BACH2: variants seen among roughly 807,000 people sequenced by gnomAD.
BACH2 encodes the protein BACH transcriptional regulator 2.
In BACH2, 5 loss-of-function variants were observed where a neutral mutation model predicts 61.8. The ratio of observed to expected loss-of-function variants is 0.08; its 90% confidence interval spans 0.04 to 0.17. The LOEUF (loss-of-function observed/expected upper bound fraction) is 0.17, where lower values mean the gene tolerates loss of function less well. Among genes scored for constraint, BACH2 ranks in the 10% least tolerant of loss-of-function variants. BACH2 has a pLI of 1.00. For synonymous variants in BACH2, 446 were observed against 440.1 expected, an observed-to-expected ratio of 1.01 and a Z score of -0.17; for missense variants, 824 against 1,091.1, an observed-to-expected ratio of 0.76 and a Z score of 3.45.
At chr6:89,955,654 A>T (rs538188188) in intron 6 of BACH2, among the ~76,000 whole-genome samples, 10 of 152,336 alleles carry the variant, frequency 6.6e-5, no homozygotes, top group African/African-American at 2.2e-4. Context: ...AGCAAGTGTT[A>T]CAACAGGCAG....
At chr6:90,130,398 C>G (rs1030093904) in intron 4 of BACH2, among the ~76,000 whole-genome samples, 3 of 152,184 alleles carry the variant, frequency 2.0e-5, no homozygotes, top group African/African-American at 7.2e-5. Flanking sequence ...GGAGCTAACA[C>G]CGAAGGAGCA....
chr6:89,958,045 T>C (rs1453819097), intron 6 of BACH2, among the ~76,000 whole-genome samples: 1 of 152,234 alleles, frequency 6.6e-6, no homozygotes, highest in Non-Finnish European at 1.5e-5. Context: ...AGGTTTGAAC[T>C]TGGATCTGCA....
intron 4 of BACH2, among the ~76,000 whole-genome samples, chr6:90,108,927 C>A (rs1289278992): frequency 6.6e-6 from 1 of 152,164 alleles, no homozygotes; most frequent in Non-Finnish European, 1.5e-5. Context: ...TGGATCCCAT[C>A]CCCTCTCTCT....
At chr6:90,166,574 T>C (rs1391113695) in intron 4 of BACH2, among the ~76,000 whole-genome samples, 2 of 152,200 alleles carry the variant, frequency 1.3e-5, no homozygotes, top group Non-Finnish European at 2.9e-5. Flanking sequence ...CAAAGGATTA[T>C]AAATCATGCT....
intron 3 of BACH2, among the ~76,000 whole-genome samples, chr6:90,238,119 C>G (rs117320758): frequency 2.1e-3 from 318 of 152,304 alleles, no homozygotes; most frequent in Non-Finnish European, 3.5e-3. Context: ...CAAATACATT[C>G]ATGTCTAAGA....
chr6:90,030,916 G>T (rs540582532), intron 5 of BACH2, among the ~76,000 whole-genome samples: 18 of 146,146 alleles, frequency 1.2e-4, no homozygotes, highest in Non-Finnish European at 2.1e-4. Flanking sequence ...GAGAATTTTA[G>T]ACCAATATCC....
chr6:90,257,554 T>G (rs561226930), intron 2 of BACH2, among the ~76,000 whole-genome samples: 2 of 152,340 alleles, frequency 1.3e-5, no homozygotes, highest in African/African-American at 4.8e-5. Flanking sequence ...GCCCATTTTA[T>G]AAATCAGGTA....
intron 3 of BACH2, among the ~76,000 whole-genome samples, chr6:90,221,314 C>A (rs1297174040): frequency 2.0e-5 from 3 of 152,048 alleles, no homozygotes; most frequent in Non-Finnish European, 4.4e-5. Flanking sequence ...AAAAGGAGGC[C>A]ATTTTATTGA....
chr6:90,121,585 CA>C (rs1161255434), intron 4 of BACH2, among the ~76,000 whole-genome samples: 1 of 152,072 alleles, frequency 6.6e-6, no homozygotes, highest in Non-Finnish European at 1.5e-5. Context: ...CTGTTGTGCC[CA>C]GGCTGGAGTG....
At chr6:90,131,816 G>A (rs976023123) in intron 4 of BACH2, among the ~76,000 whole-genome samples, 5 of 152,182 alleles carry the variant, frequency 3.3e-5, no homozygotes, top group Non-Finnish European at 5.9e-5. Context: ...CAGCTGCCAC[G>A]GCAAAGAGAA....
At chr6:90,160,415 T>C (rs1191238457) in intron 4 of BACH2, among the ~76,000 whole-genome samples, 1 of 152,200 alleles carries the variant, frequency 6.6e-6, no homozygotes, top group Non-Finnish European at 1.5e-5. Context: ...TAACATTTAT[T>C]TAAAACACAA....
chr6:90,044,011 T>G (rs914464328), intron 5 of BACH2, among the ~76,000 whole-genome samples: 2 of 152,194 alleles, frequency 1.3e-5, no homozygotes, highest in East Asian at 1.9e-4. Context: ...TCAATATTGA[T>G]GGAGTGTCTA....
At chr6:90,105,547 A>G (rs1782864506) in intron 4 of BACH2, among the ~76,000 whole-genome samples, 2 of 152,382 alleles carry the variant, frequency 1.3e-5, no homozygotes, top group Middle Eastern at 3.4e-3. Flanking sequence ...GCAGGAAAAT[A>G]AAAATACCAA....
At chr6:90,143,805 T>C (rs1197412535) in intron 4 of BACH2, among the ~76,000 whole-genome samples, 1 of 152,206 alleles carries the variant, frequency 6.6e-6, no homozygotes, top group African/African-American at 2.4e-5. Flanking sequence ...GAGCCTACTA[T>C]GTGTCAGGCA....
intron 3 of BACH2, among the ~76,000 whole-genome samples, chr6:90,234,618 C>T (rs1770201777): frequency 6.6e-6 from 1 of 152,174 alleles, no homozygotes; most frequent in Non-Finnish European, 1.5e-5. Context: ...GTTTATACAA[C>T]TATCCTAAAA....
chr6:90,107,760 C>T (rs906199768), intron 4 of BACH2, among the ~76,000 whole-genome samples: 3 of 151,054 alleles, frequency 2.0e-5, no homozygotes, highest in East Asian at 3.9e-4. Context: ...GGTCTCGTCC[C>T]TTGTTTTCTT....
At chr6:90,173,971 C>T (rs1767905376) in intron 4 of BACH2, among the ~76,000 whole-genome samples, 1 of 152,088 alleles carries the variant, frequency 6.6e-6, no homozygotes, top group Non-Finnish European at 1.5e-5. Context: ...TCTGGTGTAG[C>T]TAAATTAAAC....
At chr6:90,155,956 A>T (rs1180161591) in intron 4 of BACH2, among the ~76,000 whole-genome samples, 1 of 152,232 alleles carries the variant, frequency 6.6e-6, no homozygotes, top group African/African-American at 2.4e-5. Flanking sequence ...TCAGATGACA[A>T]TTGAGGTGGC....
chr6:89,969,345 G>A (rs1007576911), intron 6 of BACH2, among the ~76,000 whole-genome samples: 13 of 152,052 alleles, frequency 8.5e-5, no homozygotes, highest in African/African-American at 2.4e-4. Context: ...GTGAGCCACC[G>A]TGCCCAGCAA....
Sources: gnomAD v4.1 joint callset for allele counts (sites outside exome capture counted in the v4.1 genomes callset) on GRCh38, gnomAD v4.1.1 for gene constraint, MANE v1.5 for transcripts, NCBI Gene and HGNC (gene_info 2026-07-23, HGNC 2026-07-21) for gene names.